Variants in THTPA observed in about 807,000 individuals in gnomAD.
The protein encoded by THTPA is thiamine-triphosphatase.
In THTPA, 16 loss-of-function variants were observed where a neutral mutation model predicts 16.5. That is an observed-to-expected ratio of 0.97 (90% CI 0.66 to 1.47). The LOEUF is 1.47. Among genes scored for constraint, THTPA ranks in the 40% most tolerant of loss-of-function variants. The probability of loss-of-function intolerance (pLI) is 0.00; values close to 1 mark genes in which losing one functional copy is unlikely to be tolerated. For synonymous variants in THTPA, 110 were observed against 115.5 expected (o/e 0.95, Z 0.30); for missense variants, 281 against 280.9 (o/e 1.00, Z 0.00).
chr14:23,552,374 A>C (rs1009249898), upstream of THTPA, among the ~76,000 whole-genome samples: 6 of 149,714 alleles, frequency 4.0e-5, no homozygotes, highest in African/African-American at 1.5e-4. Context: ...GCTCACTGCA[A>C]CCTCCACCAC....
chr14:23,531,927 C>T, the THTPA span: 4 of 558,720 alleles, frequency 7.2e-6, no homozygotes, highest in Non-Finnish European at 1.1e-5. Context: ...CAGGCATGCG[C>T]ACCACACCTG....
chr14:23,523,833 T>C, the THTPA span: 1 of 1,536,062 alleles, frequency 6.5e-7, no homozygotes, highest in African/African-American at 1.4e-5. This position sits in a 1 kb window ranked among gnomAD's most constrained non-coding sequence, Gnocchi z 4.1. Context: ...TCAGCTAGGC[T>C]GGAAGCAGAT....
At chr14:23,532,595 G>T in the THTPA span, 8 of 1,446,452 alleles carry the variant, frequency 5.5e-6, no homozygotes, top group Non-Finnish European at 7.3e-6. Context: ...TTCTTCGTGG[G>T]CTGCACCCCT....
chr14:23,524,298 G>T, the THTPA span: 6 of 1,536,350 alleles, frequency 3.9e-6, no homozygotes, highest in Non-Finnish European at 5.2e-6. This position sits in a 1 kb window ranked among gnomAD's most constrained non-coding sequence, Gnocchi z 5.6. Context: ...TTGCGTGTTG[G>T]GTTGGAATCC....
At chr14:23,515,240 T>G in the THTPA span, among the ~76,000 whole-genome samples, 1 of 152,238 alleles carries the variant, frequency 6.6e-6, no homozygotes. Flanking sequence ...TTTGTACTTA[T>G]GCATATTTCA....
chr14:23,521,990 G>C, the THTPA span: 1 of 1,536,404 alleles, frequency 6.5e-7, no homozygotes. Context: ...AGAGGTAGTC[G>C]TAGTTTTTGG....
the THTPA span, chr14:23,530,158 G>A: frequency 6.5e-7 from 1 of 1,536,122 alleles, no homozygotes; most frequent in Admixed American, 2.0e-5. Flanking sequence ...TTTCTCAGGG[G>A]TGGGTGGCTC....
chr14:23,542,632 T>TGA, the THTPA span, among the ~76,000 whole-genome samples: 1 of 152,212 alleles, frequency 6.6e-6, no homozygotes, highest in Non-Finnish European at 1.5e-5. Flanking sequence ...ACCCTTCTTC[T>TGA]GTATGAGCAC....
the THTPA span, chr14:23,524,661 CCTT>C: frequency 6.5e-7 from 1 of 1,536,280 alleles, no homozygotes; most frequent in Non-Finnish European, 8.7e-7. The surrounding 1 kb of genome is among the most constrained non-coding windows in gnomAD (Gnocchi z 5.6). Flanking sequence ...GATGGAGTAG[CCTT>C]CTCTTCAGGC....
chr14:23,520,397 G>T, the THTPA span, among the ~76,000 whole-genome samples: 1 of 151,616 alleles, frequency 6.6e-6, no homozygotes, highest in Non-Finnish European at 1.5e-5. This position sits in a 1 kb window ranked among gnomAD's most constrained non-coding sequence, Gnocchi z 8.7. Flanking sequence ...GGGCCTCCAG[G>T]GGGGCAGCAG....
the THTPA span, among the ~76,000 whole-genome samples, chr14:23,517,276 A>T: frequency 1.3e-5 from 2 of 152,184 alleles, no homozygotes; most frequent in Non-Finnish European, 2.9e-5. Flanking sequence ...CTCAAGAGGA[A>T]TTACCTTCAT....
upstream of THTPA, among the ~76,000 whole-genome samples, chr14:23,552,224 G>T (rs1264445983): frequency 6.6e-6 from 1 of 151,780 alleles, no homozygotes; most frequent in African/African-American, 2.4e-5. Flanking sequence ...AGTCCCCTGA[G>T]CTGGGTTGGG....
At position 23,558,954 on chromosome 14, in the gene THTPA, C is replaced by T. The variant is rs535242217; in HGVS notation, c.*114C>T. ...CTGACAGTGACTCCTCTCTCTCCAG[C>T]GCTGCCTGTTTCTTCCCCCTCCTCT... On this transcript the variant is annotated 3_prime_UTR_variant, in exon 2 of 2. Coordinates refer to ENST00000288014, the MANE Select transcript of THTPA (RefSeq NM_024328.6). The T allele has an allele frequency of 2.1e-5, 27 of 1,304,336 alleles. No homozygotes were observed. The highest frequency in any genetic ancestry group is 7.5e-5 in the East Asian group (3 of 40,094). The allele number at this position is 1,304,336 out of a possible 1,614,324, so 80.8% of individuals were successfully genotyped here. A position where few individuals can be genotyped will look rare whatever the true frequency, so the allele number is the denominator to read the frequency against.
chr14:23,535,137 C>A, the THTPA span: 11 of 1,535,992 alleles, frequency 7.2e-6, no homozygotes, highest in Admixed American at 2.2e-4. This position sits in a 1 kb window ranked among gnomAD's most constrained non-coding sequence, Gnocchi z 4.5. Flanking sequence ...GGCCACAGCC[C>A]GACTCCAGGA....
the THTPA span, among the ~76,000 whole-genome samples, chr14:23,546,782 G>A: frequency 2.0e-5 from 3 of 152,260 alleles, no homozygotes; most frequent in South Asian, 6.2e-4. This position sits in a 1 kb window ranked among gnomAD's most constrained non-coding sequence, Gnocchi z 4.7. Flanking sequence ...CCACTGTGTC[G>A]ACAGCCTGTC....
the THTPA span, chr14:23,530,801 A>G: frequency 1.2e-5 from 3 of 255,916 alleles, no homozygotes; most frequent in East Asian, 1.3e-4. Flanking sequence ...GCACCAGTCA[A>G]TGCTGCGTGT....
chr14:23,544,725 C>G, the THTPA span, among the ~76,000 whole-genome samples: 1 of 152,208 alleles, frequency 6.6e-6, no homozygotes, highest in Non-Finnish European at 1.5e-5. Flanking sequence ...CTCGCTGCCT[C>G]TAATGGCGCT....
In THTPA at chr14:23,560,078, A is replaced by G. The variant is rs766564961; in HGVS notation, c.*1238A>G. On this transcript the variant is annotated 3_prime_UTR_variant, in exon 2 of 2. Transcript: ENST00000288014. ...AACAGAGCACAGTATGGCAGTAGGT[A>G]GGGCTCAGGCAGCCCCTCTATACTC... The G allele has an allele frequency of 2.9e-5, 43 of 1,468,362 alleles. No individual in the cohort carries two copies. In the East Asian group the frequency reaches 3.2e-4, roughly 11 times the overall value. The allele number at this position is 1,468,362 out of a possible 1,614,324, so 91.0% of individuals were successfully genotyped here.
chr14:23,521,617 G>C, the THTPA span: 469 of 239,942 alleles, frequency 2.0e-3, 4 homozygotes, highest in Admixed American at 0.014. Context: ...AATTCAGTGA[G>C]GAAAAGGAAG....
Sources: gnomAD v4.1 joint callset for allele counts (sites outside exome capture counted in the v4.1 genomes callset) on GRCh38, gnomAD v4.1.1 for gene constraint, Gnocchi (gnomAD v3.1) non-coding constraint, MANE v1.5 for transcripts, NCBI Gene and HGNC (gene_info 2026-07-23, HGNC 2026-07-21) for gene names.